PPFIA2: variants seen among roughly 807,000 people sequenced by gnomAD.
PPFIA2 encodes the protein PPFI scaffold protein A2, also known as liprin-alpha-2.
PPFIA2 carries 46 observed loss-of-function variants against 175.5 expected under a neutral mutation model. The observed-to-expected ratio is 0.26, with a 90% CI of 0.21 to 0.34. The LOEUF (loss-of-function observed/expected upper bound fraction) is 0.34. Among genes scored for constraint, PPFIA2 ranks in the 10% least tolerant of loss-of-function variants. PPFIA2 has a pLI of 1.00. For missense variants in PPFIA2, 1,179 were observed against 1,506.1 expected, an observed-to-expected ratio of 0.78 and a Z score of 3.60; for synonymous variants, 568 against 511.4, an observed-to-expected ratio of 1.11 and a Z score of -1.49.
At chr12:81,529,093 A>G (rs1022764812) in intron 4 of PPFIA2, among the ~76,000 whole-genome samples, 5 of 152,116 alleles carry the variant, frequency 3.3e-5, no homozygotes, top group Admixed American at 1.3e-4. Context: ...TGCAACTAGC[A>G]TGACTTCATC....
intron 7 of PPFIA2, among the ~76,000 whole-genome samples, chr12:81,406,254 T>TA (rs2042909236): frequency 1.3e-5 from 2 of 152,272 alleles, no homozygotes; most frequent in South Asian, 4.1e-4. Flanking sequence ...TAGGATGTAA[T>TA]AAAAATGTTT....
intron 4 of PPFIA2, among the ~76,000 whole-genome samples, chr12:81,510,028 T>C (rs2147761353): frequency 6.6e-6 from 1 of 152,252 alleles, no homozygotes; most frequent in Admixed American, 6.5e-5. Flanking sequence ...ATGCTTCACG[T>C]TTTGGTTTCT....
At chr12:81,320,383 G>A (rs978673482) in intron 22 of PPFIA2, among the ~76,000 whole-genome samples, 2 of 151,994 alleles carry the variant, frequency 1.3e-5, no homozygotes, top group African/African-American at 4.8e-5. Context: ...ACTGCTTCTC[G>A]AGAGAGGATG....
chr12:81,312,370 G>C (rs1476816385), intron 22 of PPFIA2: 1 of 589,584 alleles, frequency 1.7e-6, no homozygotes, highest in African/African-American at 1.9e-5. Context: ...TAGTCAGGCT[G>C]AGGGTAGTTC....
intron 4 of PPFIA2, among the ~76,000 whole-genome samples, chr12:81,607,420 C>A (rs780011811): frequency 1.3e-5 from 2 of 152,122 alleles, no homozygotes; most frequent in African/African-American, 4.8e-5. Flanking sequence ...ATTGGTCCTA[C>A]AATCCATGAG....
chr12:81,711,151 C>T (rs118189893), intron 3 of PPFIA2, among the ~76,000 whole-genome samples: 1 of 151,198 alleles, frequency 6.6e-6, no homozygotes, highest in Non-Finnish European at 1.5e-5. Context: ...TTGCTTGCAC[C>T]CAGGAATTTG....
intron 17 of PPFIA2, among the ~76,000 whole-genome samples, chr12:81,349,506 T>C (rs1446098268): frequency 6.6e-6 from 1 of 152,088 alleles, no homozygotes; most frequent in Non-Finnish European, 1.5e-5. Context: ...TCAAGTAACA[T>C]AGTACATAGT....
intron 3 of PPFIA2, among the ~76,000 whole-genome samples, chr12:81,680,324 A>G (rs1284338214): frequency 6.6e-6 from 1 of 151,992 alleles, no homozygotes; most frequent in Non-Finnish European, 1.5e-5. Context: ...ATGCCATAAT[A>G]AACTTATGTT....
At chr12:81,288,228 A>G (rs537174791) in intron 24 of PPFIA2, among the ~76,000 whole-genome samples, 84 of 151,974 alleles carry the variant, frequency 5.5e-4, no homozygotes, top group African/African-American at 2.0e-3. Context: ...AAAAGTTTAC[A>G]TTATGATACA....
chr12:81,323,777 A>G (rs1233375858), intron 22 of PPFIA2, among the ~76,000 whole-genome samples: 1 of 152,084 alleles, frequency 6.6e-6, no homozygotes, highest in Non-Finnish European at 1.5e-5. Context: ...TAATCCAGAA[A>G]TCAAGCCACA....
At chr12:81,334,020 A>G (rs910537995) in intron 21 of PPFIA2, among the ~76,000 whole-genome samples, 11 of 152,192 alleles carry the variant, frequency 7.2e-5, no homozygotes, top group Admixed American at 7.2e-4. Flanking sequence ...TGGCTTGCTC[A>G]CCACCTTTCA....
chr12:81,288,257 C>T (rs1431296994), intron 24 of PPFIA2, among the ~76,000 whole-genome samples: 1 of 151,678 alleles, frequency 6.6e-6, no homozygotes, highest in East Asian at 1.9e-4. Flanking sequence ...TTATACAGGG[C>T]TGGGACTAGG....
At chr12:81,754,245 G>A (rs1352844031) in intron 2 of PPFIA2, 22 bp from the exon 3 acceptor site, 1 of 1,570,628 alleles carries the variant, frequency 6.4e-7, no homozygotes, top group South Asian at 1.2e-5. Context: ...TAAGTGGGAA[G>A]GAGTCTTAGT....
intron 4 of PPFIA2, among the ~76,000 whole-genome samples, chr12:81,466,034 T>C (rs1280462309): frequency 1.3e-5 from 2 of 152,170 alleles, no homozygotes; most frequent in Non-Finnish European, 2.9e-5. Flanking sequence ...CCAAAATTAC[T>C]GTGCAAAACA....
chr12:81,489,815 A>T (rs1312799359), intron 4 of PPFIA2, among the ~76,000 whole-genome samples: 1 of 151,852 alleles, frequency 6.6e-6, no homozygotes, highest in Non-Finnish European at 1.5e-5. Context: ...GTGGAGGTTG[A>T]CAAGTCTGTC....
chr12:81,747,136 G>GA lies in PPFIA2; in HGVS notation c.249+6836dup, dbSNP rs912105691. On this transcript the variant is annotated intron_variant, in intron 3 of 32. Coordinates refer to ENST00000549396, the MANE Select transcript of PPFIA2 (RefSeq NM_003625.5). ...AAGCAGATATTTTATTTGGCCAAAA[G>GA]AAAAAATAACTAGAAGAGAGAAATA... is the stretch of plus-strand genomic sequence containing the variant. 3.3e-4 allele frequency among the ~76,000 whole-genome samples: 48 copies of GA among 144,064 alleles called. 2 individuals are homozygous for GA. Among genetic ancestry groups the GA allele is most frequent in the South Asian group, 1.6e-3 (7 of 4,406 alleles). The allele number at this position is 144,064 out of a possible 152,430, so 94.5% of individuals were successfully genotyped here.
intron 28 of PPFIA2, among the ~76,000 whole-genome samples, chr12:81,275,544 TG>T: frequency 6.6e-6 from 1 of 152,114 alleles, no homozygotes; most frequent in Non-Finnish European, 1.5e-5. Flanking sequence ...TATTGGAGAA[TG>T]TAATATATAC....
intron 4 of PPFIA2, among the ~76,000 whole-genome samples, chr12:81,473,166 G>T (rs918480556): frequency 3.3e-5 from 5 of 152,282 alleles, no homozygotes; most frequent in Non-Finnish European, 5.9e-5. Flanking sequence ...CCAGCACTCT[G>T]GGGGGCTGAG....
intron 4 of PPFIA2, among the ~76,000 whole-genome samples, chr12:81,606,317 T>C (rs1264256978): frequency 6.6e-6 from 1 of 152,026 alleles, no homozygotes; most frequent in Non-Finnish European, 1.5e-5. Context: ...ATGATTGATT[T>C]TCCTTTGAGT....
Sources: gnomAD v4.1 joint callset for allele counts (sites outside exome capture counted in the v4.1 genomes callset) on GRCh38, gnomAD v4.1.1 for gene constraint, MANE v1.5 for transcripts, NCBI Gene and HGNC (gene_info 2026-07-23, HGNC 2026-07-21) for gene names.